The following KLHL1 variants were observed in gnomAD, a reference collection of about 807,000 sequenced individuals.
The protein encoded by KLHL1 is kelch-like protein 1.
Under a neutral mutation model 77.7 loss-of-function variants are expected in KLHL1, and 47 were observed. The ratio of observed to expected loss-of-function variants is 0.60; its 90% CI spans 0.48 to 0.77. KLHL1 has a LOEUF of 0.77. Ranked by LOEUF, KLHL1 falls within the 30% of genes least tolerant of loss-of-function variation. The pLI, the probability that KLHL1 is intolerant of heterozygous loss-of-function variation, is 0.00. For missense variants in KLHL1, 925 were observed against 910.8 expected (o/e 1.02, Z -0.20); for synonymous variants, 360 against 325.2 (o/e 1.11, Z -1.15).
At chr13:69,952,283 G>A (rs182560329) in intron 3 of KLHL1, among the ~76,000 whole-genome samples, 27 of 151,562 alleles carry the variant, frequency 1.8e-4, no homozygotes, top group African/African-American at 6.5e-4. Flanking sequence ...ATGTTTCCAA[G>A]TAGTATTTAC....
chr13:69,778,024 A>T (rs1875924694), intron 7 of KLHL1, among the ~76,000 whole-genome samples: 1 of 151,852 alleles, frequency 6.6e-6, no homozygotes, highest in Non-Finnish European at 1.5e-5. Context: ...TATTATTAAA[A>T]ATTAAGATAA....
chr13:69,918,477 T>C (rs997441558), intron 4 of KLHL1, among the ~76,000 whole-genome samples: 3 of 151,916 alleles, frequency 2.0e-5, no homozygotes, highest in African/African-American at 7.2e-5. Flanking sequence ...TGCAATGAAA[T>C]TGAATTTTGC....
rs1040089042 is a variant in KLHL1 at position 69,850,103 on chromosome 13, G to A, written c.1228-10941C>T. ...ATTACAGAAATAATTTGGGCTCATG[G>A]ACATCACTGCAAGGTGATTTGACCC... On this transcript the variant is annotated intron_variant, in intron 5 of 10. Transcript: ENST00000377844. 3.3e-5 allele frequency among the ~76,000 whole-genome samples: 5 copies of A among 151,484 alleles called. 1 individual carries two copies. Among genetic ancestry groups the A allele is most frequent in the South Asian group, 4.1e-4 (2 of 4,822 alleles).
At chr13:69,922,790 G>A (rs1882685169) in intron 4 of KLHL1, among the ~76,000 whole-genome samples, 1 of 152,034 alleles carries the variant, frequency 6.6e-6, no homozygotes, top group African/African-American at 2.4e-5. Context: ...GAAGCAGAGA[G>A]GATTTCAAGG....
At chr13:70,026,494 G>A (rs1387007949) in intron 1 of KLHL1, among the ~76,000 whole-genome samples, 2 of 152,112 alleles carry the variant, frequency 1.3e-5, no homozygotes, top group Non-Finnish European at 2.9e-5. Flanking sequence ...ACACTGGATT[G>A]AGTGTAATGT....
intron 1 of KLHL1, among the ~76,000 whole-genome samples, chr13:70,024,702 G>C (rs1885898987): frequency 7.3e-6 from 1 of 136,634 alleles, no homozygotes; most frequent in Non-Finnish European, 1.6e-5. Flanking sequence ...TTCTCTTTCA[G>C]TTTAGGAGGG....
intron 1 of KLHL1, among the ~76,000 whole-genome samples, chr13:70,076,479 G>A (rs1887270344): frequency 6.7e-6 from 1 of 150,062 alleles, no homozygotes. Context: ...TCACAAAAGG[G>A]GCATAGACAG....
chr13:69,798,863 A>C (rs996810062), intron 6 of KLHL1, among the ~76,000 whole-genome samples: 6 of 152,030 alleles, frequency 3.9e-5, no homozygotes, highest in Non-Finnish European at 8.8e-5. Flanking sequence ...AGGTCAGGAG[A>C]CTGAGACCAG....
At chr13:69,752,781 GA>G (rs796774897) in intron 7 of KLHL1, among the ~76,000 whole-genome samples, 32 of 152,206 alleles carry the variant, frequency 2.1e-4, no homozygotes, top group African/African-American at 6.0e-4. Flanking sequence ...GCGGAACATA[GA>G]AAAAAACTCA....
rs111713541 is a variant in KLHL1, at chr13:69,990,452, C to T, written c.498-14650G>A. ...TCTCATCTGCAATGACATGCATAAT[C>T]TCAAAATAAAGGGATGAAGAAAAAT... On this transcript the variant is annotated intron_variant, in intron 1 of 10. Transcript: ENST00000377844. Among the ~76,000 whole-genome samples, 308 of 151,984 alleles carry T rather than the reference C, an allele frequency of 2.0e-3. 1 individual carries two copies. The highest frequency in any genetic ancestry group is 7.1e-3 in the African/African-American group (295 of 41,478).
intron 8 of KLHL1, among the ~76,000 whole-genome samples, chr13:69,736,701 T>TATATAC (rs1555264293): frequency 5.9e-5 from 9 of 151,766 alleles, no homozygotes; most frequent in South Asian, 2.1e-4. Context: ...TATATATATA[T>TATATAC]ACACACACCA....
intron 6 of KLHL1, among the ~76,000 whole-genome samples, chr13:69,814,100 C>T (rs928976578): frequency 1.3e-5 from 2 of 152,102 alleles, no homozygotes; most frequent in African/African-American, 4.8e-5. Context: ...CACACATCTA[C>T]AGCCAGCTGA....
At chr13:70,073,670 G>A (rs934119757) in intron 1 of KLHL1, among the ~76,000 whole-genome samples, 46 of 152,138 alleles carry the variant, frequency 3.0e-4, no homozygotes, top group African/African-American at 9.9e-4. Context: ...TTAGCTGCTT[G>A]GGATGTTGAG....
intron 7 of KLHL1, among the ~76,000 whole-genome samples, chr13:69,785,143 T>C (rs1193784929): frequency 1.3e-5 from 2 of 151,490 alleles, no homozygotes; most frequent in South Asian, 2.1e-4. Flanking sequence ...CCGCCCGCCT[T>C]GGCCTCCCAA....
chr13:70,070,151 C>T (rs986506005), intron 1 of KLHL1, among the ~76,000 whole-genome samples: 9 of 132,720 alleles, frequency 6.8e-5, no homozygotes, highest in Non-Finnish European at 1.3e-4. Flanking sequence ...AGACTCGTCT[C>T]GAAAAAAAAA....
chr13:69,939,071 T>C (rs935116536), intron 4 of KLHL1, among the ~76,000 whole-genome samples: 4 of 151,434 alleles, frequency 2.6e-5, no homozygotes, highest in Non-Finnish European at 4.4e-5. Context: ...ATAATATGAA[T>C]AATAATATCA....
chr13:69,929,676 C>T (rs1307321192), intron 4 of KLHL1, among the ~76,000 whole-genome samples: 3 of 151,470 alleles, frequency 2.0e-5, no homozygotes, highest in Non-Finnish European at 4.4e-5. Context: ...AATTTTAGAT[C>T]AATATTTAAT....
chr13:69,906,920 C>T (rs1441854886), intron 4 of KLHL1, among the ~76,000 whole-genome samples: 3 of 151,860 alleles, frequency 2.0e-5, no homozygotes, highest in Non-Finnish European at 2.9e-5. Flanking sequence ...ACTAAATTAC[C>T]ATATTTTGAA....
chr13:69,991,002 G>C (rs892991462), intron 1 of KLHL1, among the ~76,000 whole-genome samples: 6 of 151,828 alleles, frequency 4.0e-5, no homozygotes, highest in African/African-American at 1.5e-4. Context: ...CAAGAAAATT[G>C]CTCAAAACCA....
Sources: allele counts gnomAD v4.1 joint callset (sites outside exome capture counted in the v4.1 genomes callset), GRCh38; gene constraint gnomAD v4.1.1; transcripts MANE v1.5; gene names NCBI Gene and HGNC (gene_info 2026-07-23, HGNC 2026-07-21).